Variants in ADAM7 observed in about 807,000 individuals in gnomAD.
ADAM7 encodes disintegrin and metalloproteinase domain-containing protein 7.
In ADAM7, 97 loss-of-function variants were observed where a neutral mutation model predicts 102.9. The ratio of observed to expected loss-of-function variants is 0.94; its 90% CI spans 0.80 to 1.12. The LOEUF (loss-of-function observed/expected upper bound fraction) is 1.12, where lower values mean the gene tolerates loss of function less well. ADAM7 is among the 50% of genes most tolerant of loss of function. The pLI is 0.00. For missense variants in ADAM7, 991 were observed against 908.7 expected (o/e 1.09, Z -1.16); for synonymous variants, 334 against 304.4 (o/e 1.10, Z -1.01).
At chr8:24,506,978 C>T (rs1396544924) in intron 20 of ADAM7, among the ~76,000 whole-genome samples, 1 of 152,082 alleles carries the variant, frequency 6.6e-6, no homozygotes, top group Non-Finnish European at 1.5e-5. Context: ...GACTAAAACG[C>T]TGTGATTAGT....
chr8:24,499,917 CTG>C (rs1258124432), intron 17 of ADAM7, among the ~76,000 whole-genome samples: 2 of 151,950 alleles, frequency 1.3e-5, no homozygotes, highest in African/African-American at 4.8e-5. Flanking sequence ...ATAAATCATG[CTG>C]TCTTGTTCAT....
At chr8:24,444,546 T>C (rs189002349) in intron 2 of ADAM7, among the ~76,000 whole-genome samples, 16 of 151,930 alleles carry the variant, frequency 1.1e-4, no homozygotes, top group African/African-American at 3.9e-4. Context: ...TGTAATAAAA[T>C]GGCATTTTCT....
At chr8:24,479,688 C>T (rs1428937178) in intron 8 of ADAM7, among the ~76,000 whole-genome samples, 1 of 152,094 alleles carries the variant, frequency 6.6e-6, no homozygotes, top group African/African-American at 2.4e-5. Flanking sequence ...CATTCTCCTT[C>T]TCTCCCACAC....
rs775280198 is a variant in ADAM7, at chr8:24,491,888, G to A, written c.1357-15G>A. On this transcript the variant is annotated splice_polypyrimidine_tract_variant and intron_variant, in intron 13 of 21. Coordinates refer to ENST00000175238, the MANE Select transcript of ADAM7 (RefSeq NM_003817.4). Reference sequence around the variant, plus strand: ...AATGTATCCAGGATTTAGTCTCTTTGTTTTTCCTCAACAGATAAAAAAAGC... The same window carrying A: ...AATGTATCCAGGATTTAGTCTCTTTATTTTTCCTCAACAGATAAAAAAAGC... 2 of 1,571,146 alleles carry A rather than the reference G, an allele frequency of 1.3e-6. No homozygotes were observed. The highest frequency in any genetic ancestry group is 1.4e-5 in the African/African-American group (1 of 73,290).
chr8:24,450,977 G>C (rs1818762516), intron 3 of ADAM7, among the ~76,000 whole-genome samples: 1 of 152,044 alleles, frequency 6.6e-6, no homozygotes, highest in South Asian at 2.1e-4. Flanking sequence ...TATTGAACCA[G>C]CCTTGCATCC....
chr8:24,457,433 G>C (rs1293573762), intron 3 of ADAM7, among the ~76,000 whole-genome samples: 4 of 151,986 alleles, frequency 2.6e-5, no homozygotes, highest in Non-Finnish European at 4.4e-5. Context: ...CCACCACCAT[G>C]ACTGGCAAAT....
intron 11 of ADAM7, among the ~76,000 whole-genome samples, chr8:24,488,033 T>A (rs1820204686): frequency 6.6e-6 from 1 of 152,220 alleles, no homozygotes; most frequent in Non-Finnish European, 1.5e-5. Context: ...ATCTAGATCA[T>A]ACATACATCC....
intron 8 of ADAM7, among the ~76,000 whole-genome samples, chr8:24,480,336 G>T (rs565476964): frequency 6.6e-6 from 1 of 152,268 alleles, no homozygotes; most frequent in South Asian, 2.1e-4. Context: ...AAAAGCCCGT[G>T]TGCCTGGCCA....
chr8:24,501,682 CA>C (rs1170263594), intron 20 of ADAM7, 106 bp downstream of exon 20: 4 of 733,310 alleles, frequency 5.5e-6, no homozygotes, highest in Non-Finnish European at 8.6e-6. Context: ...ATGGGAAGTG[CA>C]GAGGAGCAAT....
intron 3 of ADAM7, among the ~76,000 whole-genome samples, chr8:24,462,796 A>G (rs1470370395): frequency 6.6e-6 from 1 of 152,214 alleles, no homozygotes; most frequent in Admixed American, 6.5e-5. Context: ...AAACTGGAAG[A>G]CACAAATAAA....
At chr8:24,462,822 CT>C (rs1819291528) in intron 3 of ADAM7, among the ~76,000 whole-genome samples, 2 of 152,080 alleles carry the variant, frequency 1.3e-5, no homozygotes, top group Non-Finnish European at 2.9e-5. Flanking sequence ...ATGAAAAGTC[CT>C]TTTCCTATGG....
chr8:24,441,514 AATTAAAT>A (rs536906468), intron 1 of ADAM7, among the ~76,000 whole-genome samples: 9 of 152,362 alleles, frequency 5.9e-5, no homozygotes, highest in Admixed American at 5.9e-4. Flanking sequence ...AGATCAGAGA[AATTAAAT>A]ATGCTACTGC....
chr8:24,465,222 G>A (rs1353182945), intron 4 of ADAM7, among the ~76,000 whole-genome samples: 1 of 152,140 alleles, frequency 6.6e-6, no homozygotes, highest in Non-Finnish European at 1.5e-5. Context: ...CACAGAAAGT[G>A]TCATCCATAG....
chr8:24,458,768 C>T (rs561068131), intron 3 of ADAM7, among the ~76,000 whole-genome samples: 9 of 152,082 alleles, frequency 5.9e-5, no homozygotes, highest in Non-Finnish European at 1.3e-4. Flanking sequence ...ATTAATATGA[C>T]AGTACCTGTA....
At chr8:24,463,981 G>A (rs1241354246) in intron 4 of ADAM7, 21 bp downstream of exon 4, 2 of 1,590,486 alleles carry the variant, frequency 1.3e-6, no homozygotes, top group Non-Finnish European at 1.7e-6. Context: ...GAACTTTACT[G>A]TGTCTCTTCT....
intron 17 of ADAM7, 97 bp from the exon 18 acceptor site, chr8:24,500,081 C>T: frequency 1.0e-6 from 1 of 999,816 alleles, no homozygotes; most frequent in Admixed American, 2.4e-5. Flanking sequence ...TGCTTGTGTG[C>T]ATGTATGTTT....
chr8:24,469,569 T>C (rs189180540), intron 7 of ADAM7, among the ~76,000 whole-genome samples: 2 of 152,102 alleles, frequency 1.3e-5, no homozygotes, highest in Admixed American at 1.3e-4. Flanking sequence ...AAAGTGACTC[T>C]TCAATAATCC....
chr8:24,446,756 C>T lies in ADAM7; in HGVS notation c.157-430C>T, dbSNP rs78219110. Among the ~76,000 whole-genome samples the T allele has an allele frequency of 4.9e-3, 747 of 151,598 alleles. 5 individuals carry two copies. Among genetic ancestry groups the T allele is most frequent in the African/African-American group, 0.015 (631 of 41,426 alleles). On this transcript the variant is annotated intron_variant, in intron 2 of 21. Transcript: ENST00000175238. ...TCTGTGTATAGAGCTGCTACATGGA[C>T]ATATGGTAAATGGTGTATCCTTGGA...
chr8:24,494,728 T>C (rs1820495714), intron 16 of ADAM7, among the ~76,000 whole-genome samples: 1 of 152,190 alleles, frequency 6.6e-6, no homozygotes, highest in South Asian at 2.1e-4. Flanking sequence ...AAAATCTCTT[T>C]TTGGCATTGA....
Sources: gnomAD v4.1 joint callset for allele counts (sites outside exome capture counted in the v4.1 genomes callset) on GRCh38, gnomAD v4.1.1 for gene constraint, MANE v1.5 for transcripts, NCBI Gene and HGNC (gene_info 2026-07-23, HGNC 2026-07-21) for gene names.